Variants in ART5 observed in about 807,000 individuals in gnomAD.
ART5 encodes the protein ecto-ADP-ribosyltransferase 5.
In ART5, 22 loss-of-function variants were observed where a neutral mutation model predicts 25.0. The observed-to-expected ratio is 0.88, with a 90% CI of 0.63 to 1.26. The LOEUF (loss-of-function observed/expected upper bound fraction) is 1.26, where lower values mean the gene tolerates loss of function less well. Ranked by LOEUF, ART5 falls within the 50% of genes most tolerant of loss-of-function variation. ART5 has a pLI of 0.00. For synonymous variants in ART5, 161 were observed against 154.8 expected, an observed-to-expected ratio of 1.04 and a Z score of -0.30; for missense variants, 402 against 372.8, an observed-to-expected ratio of 1.08 and a Z score of -0.64.
Position 3,641,898 on chromosome 11 carries a change from A to G in ART5, c.-36T>C. 1.3e-6 allele frequency: 2 copies of G among 1,554,618 alleles called. No individual in the cohort carries two copies. The highest frequency in any genetic ancestry group is 2.0e-5 in the Admixed American group (1 of 51,124). ...GACGTGAGGGCCAGGGGTCCGGGTG[A>G]GGGCGGGACCAGAGGTGCTGGAGTC... On this transcript the variant is annotated 5_prime_UTR_variant, in exon 1 of 4. Transcript: ENST00000397068.
intron 1 of ART5, among the ~76,000 whole-genome samples, chr11:3,641,072 G>C (rs10767389): frequency 0.45 from 68,482 of 152,014 alleles, 17,473 homozygotes; most frequent in South Asian, 0.61. Flanking sequence ...CCTATTAGCT[G>C]TGAGGCCTTG....
In ART5 at chr11:3,639,685, G is replaced by A. The variant is rs2077362708; in HGVS notation, c.744C>T (p.Ser248=). The A allele has an allele frequency of 1.2e-6, 2 of 1,613,752 alleles. No homozygotes were observed. ...TAAAATGGCTACAGGTCTGATTATA[G>A]CTCCAGAGAGTCACCAAGCTCTGGG... ...DGAQSLVTLW[S]YNQTCSHFNC... is the part of the protein sequence containing the mutation. Residue 248 remains serine (S), a synonymous_variant, in exon 2 of 4, where the codon AGC becomes AGT. Transcript: ENST00000397068.
chr11:3,638,851 G>A (rs751385929), intron 3 of ART5, 58 bp from the exon 4 acceptor site: 20 of 1,613,936 alleles, frequency 1.2e-5, no homozygotes, highest in Non-Finnish European at 1.3e-5. Context: ...AACTCTCCAG[G>A]GGCCAAGAGC....
chr11:3,640,364 G>T lies in ART5; in HGVS notation c.65C>A (p.Ala22Asp). Residue 22 changes from alanine to aspartate, a missense_variant, in exon 2 of 4, where the codon GCT becomes GAT. Coordinates refer to ENST00000397068, the MANE Select transcript of ART5 (RefSeq NM_053017.5). ...CAGGCCCAGGGGCAGGATGGGAACA[G>T]CCTGGGCCTGTGGAGCAAAAGAGGT... Reference protein sequence around the residue: ...SLGLHTWQAQAVPILPLGLAP... With the variant: ...SLGLHTWQAQDVPILPLGLAP... 6.5e-7 allele frequency: 1 copy of T among 1,549,020 alleles called. No individual in the cohort carries two copies. Among genetic ancestry groups the T allele is most frequent in the Non-Finnish European group, 8.7e-7 (1 of 1,145,584 alleles).
upstream of ART5, chr11:3,642,101 G>C (rs2077411251): frequency 1.4e-6 from 2 of 1,398,148 alleles, no homozygotes; most frequent in Non-Finnish European, 1.9e-6. Flanking sequence ...CCAGTCTGGG[G>C]ACCTTTCCGA....
Position 3,639,954 on chromosome 11 carries a change from A to G in ART5, c.475T>C (p.Phe159Leu). The G allele has an allele frequency of 1.2e-6, 2 of 1,614,128 alleles. No homozygotes were observed. Among genetic ancestry groups the G allele is most frequent in the Non-Finnish European group, 1.7e-6 (2 of 1,180,024 alleles). ...AAGCGAAGGCTGCCCACACCTCGGA[A>G]CACCACCTCCCCAGGTCCCCTGCTG... ...GCSRGPGEVV[F>L]RGVGSLRFEP... The change falls in exon 2 of 4, where the codon TTC becomes CTC. Residue 159 changes from phenylalanine (F) to leucine (L), a missense_variant. Physicochemically the swap from Phe to Leu is conservative, Grantham distance 22 (BLOSUM62 0). Transcript: ENST00000397068.
At chr11:3,639,548 T>G in intron 2 of ART5, 94 bp downstream of exon 2, 1 of 1,491,970 alleles carries the variant, frequency 6.7e-7, no homozygotes, top group Non-Finnish European at 8.9e-7. Context: ...TTTAACCAAG[T>G]GGGTCTCCCG....
At position 3,639,752 on chromosome 11, in the gene ART5, G is replaced by C. The variant is rs372472425; in HGVS notation, c.677C>G (p.Pro226Arg). The C allele has an allele frequency of 4.0e-5, 65 of 1,614,168 alleles. No homozygotes were observed. The highest frequency in any genetic ancestry group is 3.6e-4 in the South Asian group (33 of 91,076). The change falls in exon 2 of 4, where the codon CCC becomes CGC. Residue 226 changes from proline to arginine, a missense_variant. Transcript: ENST00000397068. The part of the protein sequence containing the change: ...FPKEREVLIP[P>R]HEVFLVTRFS... ...TCTGGTAACCAAAAAGACTTCATGG[G>C]GGGGAATCAGCACCTCGCGCTCCTT...
rs1340732465 is a variant in ART5 at position 3,639,771 on chromosome 11, G to A, written c.658C>T (p.Arg220Cys). The A allele has an allele frequency of 1.2e-5, 19 of 1,614,158 alleles. No homozygotes were observed. Among genetic ancestry groups the A allele is most frequent in the South Asian group, 3.3e-5 (3 of 91,080 alleles). Residue 220 changes from arginine (R) to cysteine (C), a missense_variant, in exon 2 of 4, where the codon CGC becomes TGC. By Grantham distance (180) the Arg-to-Cys change is radical. Transcript: ENST00000397068. ...TCATGGGGGGGAATCAGCACCTCGC[G>A]CTCCTTGGGAAAGACAGAGAAGGCC... ...IQAFSVFPKE[R>C]EVLIPPHEVF...
chr11:3,639,997 C>A lies in ART5; in HGVS notation c.432G>T (p.Leu144=), dbSNP rs1209903121. ...CCCTGCTGCAGCCCCCACTGCCTCGCAGCAGCTGCAGGGCCCGGATCAGGT... is the reference window on the plus strand; with the variant it reads ...CCCTGCTGCAGCCCCCACTGCCTCGAAGCAGCTGCAGGGCCCGGATCAGGT... ...HFYLIRALQL[L]RGSGGCSRGP... The change falls in exon 2 of 4, where the codon CTG becomes CTT. Residue 144 remains leucine, a synonymous_variant. Transcript: ENST00000397068. 8 of 1,614,066 alleles carry A rather than the reference C, an allele frequency of 5.0e-6. No individual in the cohort carries two copies. The African/African-American group carries it at 1.1e-4, about 22-fold the overall frequency.
chr11:3,641,046 A>T (rs886423511), intron 1 of ART5, among the ~76,000 whole-genome samples: 1 of 152,150 alleles, frequency 6.6e-6, no homozygotes, highest in Non-Finnish European at 1.5e-5. Flanking sequence ...CGCAGGCTGA[A>T]ATCTTGACTT....
At chr11:3,639,125 T>C in intron 2 of ART5, 90 bp from the exon 3 acceptor site, 1 of 1,361,450 alleles carries the variant, frequency 7.3e-7, no homozygotes. Context: ...CCATTTCCCT[T>C]CTCAATCTAT....
chr11:3,639,089 G>A, intron 2 of ART5, 54 bp from the exon 3 acceptor site: 5 of 1,544,506 alleles, frequency 3.2e-6, no homozygotes, highest in Non-Finnish European at 3.5e-6. Flanking sequence ...CACCCAAACT[G>A]CCTGGCCCAC....
chr11:3,640,823 C>G (rs1325566940), intron 1 of ART5, among the ~76,000 whole-genome samples: 3 of 152,224 alleles, frequency 2.0e-5, no homozygotes, highest in East Asian at 3.8e-4. Flanking sequence ...CTCACTGCAA[C>G]CTCTGCCTCC....
At chr11:3,641,231 G>A (rs767734361) in intron 1 of ART5, among the ~76,000 whole-genome samples, 1 of 152,202 alleles carries the variant, frequency 6.6e-6, no homozygotes, top group Non-Finnish European at 1.5e-5. Context: ...GGTGGGACTA[G>A]ATGACTATCA....
In ART5 at chr11:3,640,098, T is replaced by C. The variant is rs780801593; in HGVS notation, c.331A>G (p.Asn111Asp). 6.2e-7 allele frequency: 1 copy of C among 1,614,110 alleles called. No homozygotes were observed. The highest frequency in any genetic ancestry group is 1.3e-5 in the African/African-American group (1 of 74,950). The change falls in exon 2 of 4, where the codon AAT becomes GAT. Residue 111 changes from asparagine (N) to aspartate (D), a missense_variant. Physicochemically the swap from Asn to Asp is conservative, Grantham distance 23 (BLOSUM62 1). Coordinates refer to ENST00000397068, the MANE Select transcript of ART5 (RefSeq NM_053017.5). Reference sequence around the variant, plus strand: ...CCTCCGCCCGTCCGCACGGCCTGATTCAACTCCCAGTACAAGGTGTTCGAT... The same window carrying C: ...CCTCCGCCCGTCCGCACGGCCTGATCCAACTCCCAGTACAAGGTGTTCGAT... ...NSSNTLYWEL[N>D]QAVRTGGGSR... is the part of the protein sequence containing the mutation.
In ART5 at chr11:3,641,866, T is replaced by TGGAGGAGACGCTG. The variant is rs1565031695; in HGVS notation, c.-5_-4insCAGCGTCTCCTCC. ...TCATCAAAGCCGCCAGCGCCATCCCTGGAGGAGACGTGAGGGCCAGGGGTC... is the reference window on the plus strand; with the variant it reads ...TCATCAAAGCCGCCAGCGCCATCCCTGGAGGAGACGCTGGGAGGAGACGTGAGGGCCAGGGGTC... On this transcript the variant is annotated 5_prime_UTR_variant, in exon 1 of 4. Coordinates refer to ENST00000397068, the MANE Select transcript of ART5 (RefSeq NM_053017.5). The TGGAGGAGACGCTG allele has an allele frequency of 6.4e-7, 1 of 1,569,668 alleles. No individual in the cohort carries two copies. Among genetic ancestry groups the TGGAGGAGACGCTG allele is most frequent in the Non-Finnish European group, 8.6e-7 (1 of 1,157,920 alleles).
chr11:3,642,345 C>G (rs1269376684), upstream of ART5: 2 of 969,224 alleles, frequency 2.1e-6, no homozygotes, highest in Non-Finnish European at 2.5e-6. Flanking sequence ...CACGCGGGGC[C>G]GGGAGCGGGC....
Position 3,639,860 on chromosome 11 carries a change from A to G in ART5, c.569T>C (p.Val190Ala), listed in dbSNP as rs2077366029. ...QFASSSLDKA[V>A]AHRFGNATLF... ...GGTGGCATTACCAAATCTGTGGGCC[A>G]CTGCCTTATCCAGGGAGCTGGAGGC... The change falls in exon 2 of 4, where the codon GTG becomes GCG. Residue 190 changes from valine to alanine, a missense_variant. Val to Ala is a moderately conservative substitution (Grantham distance 64). Coordinates refer to ENST00000397068, the MANE Select transcript of ART5 (RefSeq NM_053017.5). 2 of 1,614,236 alleles carry G rather than the reference A, an allele frequency of 1.2e-6. No individual in the cohort carries two copies. The highest frequency in any genetic ancestry group is 1.7e-6 in the Non-Finnish European group (2 of 1,180,042).
Sources: allele counts gnomAD v4.1 joint callset (sites outside exome capture counted in the v4.1 genomes callset), GRCh38; gene constraint gnomAD v4.1.1; transcripts MANE v1.5; gene names NCBI Gene and HGNC (gene_info 2026-07-23, HGNC 2026-07-21).